The following STARD9 variants were observed in gnomAD, a reference collection of about 807,000 sequenced individuals.
The protein encoded by STARD9 is stAR-related lipid transfer protein 9.
Under a neutral mutation model 399.8 loss-of-function variants are expected in STARD9, and 346 were observed. The observed-to-expected ratio is 0.87, with a 90% CI of 0.79 to 0.95. The LOEUF (loss-of-function observed/expected upper bound fraction) is 0.95. Among genes scored for constraint, STARD9 ranks in the 40% least tolerant of loss-of-function variants. The pLI is 0.00. For missense variants in STARD9, 5,832 were observed against 5,667.5 expected (o/e 1.03, Z -0.93); for synonymous variants, 2,203 against 2,143.5 (o/e 1.03, Z -0.77).
At chr15:42,695,408 G>C in intron 25 of STARD9, 85 bp downstream of exon 25, 1 of 1,277,062 alleles carries the variant, frequency 7.8e-7, no homozygotes, top group Non-Finnish European at 1.1e-6. Context: ...TCTGAGTCTT[G>C]GGACATACGT....
In STARD9 at chr15:42,687,308, T is replaced by C; in HGVS notation, c.5730T>C (p.Phe1910=). ...DSTESGKSLL[F]RESEAREEEE... Reference sequence around the variant, plus strand: ...CTGAGTCTGGGAAGTCTCTCCTCTTTCGTGAATCTGAGGCACGAGAGGAAG... The same window carrying C: ...CTGAGTCTGGGAAGTCTCTCCTCTTCCGTGAATCTGAGGCACGAGAGGAAG... The change falls in exon 23 of 33, where the codon TTT becomes TTC. Residue 1910 remains phenylalanine, a synonymous_variant. Coordinates refer to ENST00000290607, the MANE Select transcript of STARD9 (RefSeq NM_020759.3). The C allele has an allele frequency of 2.6e-6, 4 of 1,536,820 alleles. No individual in the cohort carries two copies. Among genetic ancestry groups the C allele is most frequent in the Non-Finnish European group, 3.5e-6 (4 of 1,146,930 alleles).
chr15:42,718,713 C>T lies in STARD9; in HGVS notation c.13843-39C>T, dbSNP rs1408076227. On this transcript the variant is annotated intron_variant, in intron 31 of 32. Coordinates refer to ENST00000290607, the MANE Select transcript of STARD9 (RefSeq NM_020759.3). ...CGGGAGCCTGTTCCTGTTTTGTCCA[C>T]ACTACACAGGCAGGACTCCCATTTC... 36 of 1,532,716 alleles carry T rather than the reference C, an allele frequency of 2.3e-5. No homozygotes were observed. The East Asian group carries it at 7.8e-4, about 33-fold the overall frequency. 94.9% of individuals were successfully genotyped at this position (1,532,716 alleles called of 1,614,324 possible). A position where few individuals can be genotyped will look rare whatever the true frequency, so the allele number is the denominator to read the frequency against.
intron 3 of STARD9, among the ~76,000 whole-genome samples, chr15:42,593,415 G>A (rs2058438749): frequency 6.6e-6 from 1 of 152,100 alleles, no homozygotes; most frequent in Non-Finnish European, 1.5e-5. Flanking sequence ...AACAAATGCA[G>A]ACTGAGTCAA....
At chr15:42,611,152 C>G (rs565848378) in intron 3 of STARD9, among the ~76,000 whole-genome samples, 9 of 152,186 alleles carry the variant, frequency 5.9e-5, no homozygotes, top group Admixed American at 2.6e-4. Flanking sequence ...GATCTGTGGG[C>G]CAAATCTTGC....
chr15:42,719,627 G>A lies in STARD9; in HGVS notation c.*53G>A. 8.5e-7 allele frequency: 1 copy of A among 1,172,262 alleles called. No individual in the cohort carries two copies. Among genetic ancestry groups the A allele is most frequent in the East Asian group, 2.6e-5 (1 of 39,070 alleles). 72.6% of individuals were successfully genotyped at this position (1,172,262 alleles called of 1,614,324 possible). A position where few individuals can be genotyped will look rare whatever the true frequency, so the allele number is the denominator to read the frequency against. Reference sequence around the variant, plus strand: ...AGATGCAGGCCCAGGCTGCTCAAGAGAGACACTGTGGCAGCTCCTTGTTAC... The same window carrying A: ...AGATGCAGGCCCAGGCTGCTCAAGAAAGACACTGTGGCAGCTCCTTGTTAC... On this transcript the variant is annotated 3_prime_UTR_variant, in exon 33 of 33. Coordinates refer to ENST00000290607, the MANE Select transcript of STARD9 (RefSeq NM_020759.3).
chr15:42,685,370 G>A lies in STARD9; in HGVS notation c.3792G>A (p.Arg1264=), dbSNP rs181125969. ...CCATCAACTACAGAACAGCAGCTAG[G>A]CTGGATGCCGTCCTGCCAATGAGCA... ...LGPINYRTAA[R]LDAVLPMSSS... The change falls in exon 23 of 33, where the codon AGG becomes AGA. Residue 1264 remains arginine (R), a synonymous_variant. Transcript: ENST00000290607. 55 of 1,537,050 alleles carry A rather than the reference G, an allele frequency of 3.6e-5. No individual in the cohort carries two copies. The highest frequency in any genetic ancestry group is 4.7e-5 in the Non-Finnish European group (54 of 1,146,916).
chr15:42,688,622 T>C lies in STARD9; in HGVS notation c.7044T>C (p.His2348=), dbSNP rs554385842. ...NSPRWPRRCL[H]VPVALGISSL... is the part of the protein sequence containing the mutation. ...CAAGGTGGCCAAGAAGGTGTCTTCATGTACCTGTTGCTCTAGGCATCTCTT... is the reference window on the plus strand; with the variant it reads ...CAAGGTGGCCAAGAAGGTGTCTTCACGTACCTGTTGCTCTAGGCATCTCTT... The change falls in exon 23 of 33, where the codon CAT becomes CAC. Residue 2348 remains histidine, a synonymous_variant. Transcript: ENST00000290607. 8 of 1,537,590 alleles carry C rather than the reference T, an allele frequency of 5.2e-6. No homozygotes were observed. Among genetic ancestry groups the C allele is most frequent in the Admixed American group, 2.0e-5 (1 of 51,000 alleles).
At position 42,685,080 on chromosome 15, in the gene STARD9, C is replaced by T. The variant is rs935649155; in HGVS notation, c.3502C>T (p.Pro1168Ser). 1 of 1,537,182 alleles carries T rather than the reference C, an allele frequency of 6.5e-7. No homozygotes were observed. Residue 1168 changes from proline to serine, a missense_variant, in exon 23 of 33, where the codon CCC (proline) becomes TCC (serine). By Grantham distance (74) the Pro-to-Ser change is moderately conservative (BLOSUM62 -1). This residue lies in a region of STARD9 where 5,828 missense variants were observed against 5,651.1 expected (regional missense o/e 1.03). Transcript: ENST00000290607. ...SPKNRLGGNR[P>S]TNNRGQPRTR... Reference sequence around the variant, plus strand: ...CAAAAACAGGCTAGGGGGCAATCGTCCCACCAACAACCGTGGCCAACCCAG... The same window carrying T: ...CAAAAACAGGCTAGGGGGCAATCGTTCCACCAACAACCGTGGCCAACCCAG...
chr15:42,690,654 G>T lies in STARD9; in HGVS notation c.9076G>T (p.Glu3026Ter). 6.5e-7 allele frequency: 1 copy of T among 1,537,220 alleles called. No individual in the cohort carries two copies. The highest frequency in any genetic ancestry group is 8.7e-7 in the Non-Finnish European group (1 of 1,146,902). The change falls in exon 23 of 33, where the codon GAG becomes TAG. Residue 3026 changes from glutamate (E) to a stop codon, truncating the protein, a stop_gained. Transcript: ENST00000290607. LOFTEE classifies it high-confidence loss of function. ...TGATGTGCACTTGACACATGGCCTTGAGCCCAAAGATGTTAACAGGGAATT... is the reference window on the plus strand; with the variant it reads ...TGATGTGCACTTGACACATGGCCTTTAGCCCAAAGATGTTAACAGGGAATT... ...GPDVHLTHGLEPKDVNREFRL... is the reference protein window; with the variant it reads ...GPDVHLTHGL
chr15:42,708,783 A>T (rs144855464), intron 26 of STARD9, among the ~76,000 whole-genome samples: 1 of 152,174 alleles, frequency 6.6e-6, no homozygotes. Context: ...CTTACGAACT[A>T]CAAAAGGATC....
At chr15:42,586,470 C>T (rs938528999) in intron 3 of STARD9, among the ~76,000 whole-genome samples, 1 of 152,186 alleles carries the variant, frequency 6.6e-6, no homozygotes, top group African/African-American at 2.4e-5. Context: ...TTCTCTGTTT[C>T]TCTGAAGCAG....
chr15:42,592,538 G>T (rs1181302916), intron 3 of STARD9, among the ~76,000 whole-genome samples: 6 of 151,948 alleles, frequency 3.9e-5, no homozygotes, highest in African/African-American at 1.5e-4. Flanking sequence ...TCCGCCTTCC[G>T]GTTTCTAGCA....
Position 42,661,169 on chromosome 15 carries a change from G to T in STARD9, c.714G>T (p.Glu238Asp). The T allele has an allele frequency of 1.3e-6, 2 of 1,536,732 alleles. No homozygotes were observed. The highest frequency in any genetic ancestry group is 1.7e-6 in the Non-Finnish European group (2 of 1,146,526). ...FTIHYTQAIL[E>D]NNLPSEMASK... ...GTTTTCTCCTCTAGGCAATCCTGGA[G>T]AACAACCTCCCTTCTGAAATGGCTA... The change falls in exon 10 of 33, where the codon GAG becomes GAT. Residue 238 changes from glutamate to aspartate, a missense_variant. Glu to Asp is a conservative substitution (Grantham distance 45). Coordinates refer to ENST00000290607, the MANE Select transcript of STARD9 (RefSeq NM_020759.3).
At chr15:42,625,369 C>T (rs1056030401) in intron 3 of STARD9, among the ~76,000 whole-genome samples, 65 of 151,182 alleles carry the variant, frequency 4.3e-4, no homozygotes, top group Non-Finnish European at 3.8e-4. Flanking sequence ...CTGACTCTGT[C>T]GCCCAGACTA....
At chr15:42,577,521 C>T (rs2141634235) in intron 1 of STARD9, among the ~76,000 whole-genome samples, 1 of 152,248 alleles carries the variant, frequency 6.6e-6, no homozygotes, top group African/African-American at 2.4e-5. Context: ...TTACTTGCAG[C>T]CACAGTAGAG....
chr15:42,583,239 A>C (rs1313958726), intron 1 of STARD9, 107 bp from the exon 2 acceptor site: 1 of 749,116 alleles, frequency 1.3e-6, no homozygotes, highest in African/African-American at 1.8e-5. Flanking sequence ...CGCTTCTCTT[A>C]AGGGTACAGC....
intron 1 of STARD9, among the ~76,000 whole-genome samples, chr15:42,581,668 TCAGCAG>T (rs35915660): frequency 1.3e-5 from 2 of 151,742 alleles, no homozygotes; most frequent in Non-Finnish European, 2.9e-5. Flanking sequence ...GCCAGCAGCC[TCAGCAG>T]CAGCAGCAGC....
chr15:42,707,443 C>G (rs12594725), intron 26 of STARD9, among the ~76,000 whole-genome samples: 9,179 of 151,738 alleles, frequency 0.06, 627 homozygotes, highest in African/African-American at 0.18. Flanking sequence ...AGATTAAACA[C>G]CTAGGCAGAA....
At chr15:42,638,261 G>A (rs2141933043) in intron 6 of STARD9, 174 bp downstream of exon 6, 1 of 647,074 alleles carries the variant, frequency 1.5e-6, no homozygotes, top group Non-Finnish European at 2.6e-6. Flanking sequence ...TTGGTTGTAG[G>A]AAACTTAATT....
Sources: allele counts gnomAD v4.1 joint callset (sites outside exome capture counted in the v4.1 genomes callset), GRCh38; gene constraint gnomAD v4.1.1; regional missense constraint gnomAD v4.1.1; transcripts MANE v1.5; gene names NCBI Gene and HGNC (gene_info 2026-07-23, HGNC 2026-07-21).